The following SLC41A1 variants were observed in gnomAD, a reference collection of about 807,000 sequenced individuals.
SLC41A1 encodes solute carrier family 41 member 1.
In SLC41A1, 20 loss-of-function variants were observed where a neutral mutation model predicts 47.3. The ratio of observed to expected loss-of-function variants is 0.42; its 90% CI spans 0.30 to 0.61. SLC41A1 has a LOEUF of 0.61. SLC41A1 is among the 20% of genes least tolerant of loss of function. The probability of loss-of-function intolerance (pLI) is 0.17; values close to 1 mark genes in which losing one functional copy is unlikely to be tolerated. For missense variants in SLC41A1, 504 were observed against 674.1 expected, an observed-to-expected ratio of 0.75 and a Z score of 2.79; for synonymous variants, 282 against 272.7, an observed-to-expected ratio of 1.03 and a Z score of -0.34.
At chr1:205,811,856 A>G (rs1656163839) in intron 1 of SLC41A1, among the ~76,000 whole-genome samples, 1 of 152,206 alleles carries the variant, frequency 6.6e-6, no homozygotes, top group Admixed American at 6.5e-5. Flanking sequence ...AGGACAAGGG[A>G]GTTATCTCAG....
In SLC41A1 at chr1:205,791,465, A is replaced by G; in HGVS notation, c.*68T>C. 6.3e-7 allele frequency: 1 copy of G among 1,583,300 alleles called. No homozygotes were observed. Among genetic ancestry groups the G allele is most frequent in the Non-Finnish European group, 8.7e-7 (1 of 1,154,540 alleles). On this transcript the variant is annotated 3_prime_UTR_variant, in exon 11 of 11. Coordinates refer to ENST00000367137, the MANE Select transcript of SLC41A1 (RefSeq NM_173854.6). This position sits in a 1 kb window ranked among gnomAD's most constrained non-coding sequence, Gnocchi z 4.0. ...GGTGGGAGTGTGGGGTGGAGGAGGG[A>G]CAGGGGAACAAAAGAAAAATTTCAA... is the stretch of plus-strand genomic sequence containing the variant.
At chr1:205,794,184 CT>C (rs1277907343) in intron 10 of SLC41A1, among the ~76,000 whole-genome samples, 1 of 152,108 alleles carries the variant, frequency 6.6e-6, no homozygotes, top group Non-Finnish European at 1.5e-5. Flanking sequence ...CTGGTTCAAT[CT>C]GAATAAGCAC....
chr1:205,793,809 T>A (rs1160266289), intron 10 of SLC41A1, among the ~76,000 whole-genome samples: 2 of 152,094 alleles, frequency 1.3e-5, no homozygotes, highest in African/African-American at 4.8e-5. Context: ...AAATATATGT[T>A]TACTTTTATA....
At chr1:205,793,892 G>A (rs575586780) in intron 10 of SLC41A1, among the ~76,000 whole-genome samples, 11 of 152,322 alleles carry the variant, frequency 7.2e-5, no homozygotes, top group Non-Finnish European at 8.8e-5. Context: ...GAAACAGATG[G>A]CTGTGAAGAA....
chr1:205,796,590 T>C, intron 8 of SLC41A1: 1 of 350,720 alleles, frequency 2.9e-6, no homozygotes, highest in South Asian at 2.7e-5. Context: ...CTTCCAGAAC[T>C]GTGAGCTAAA....
At position 205,813,127 on chromosome 1, in the gene SLC41A1, C is replaced by A. The variant is rs1478258826; in HGVS notation, c.-966G>T. On this transcript the variant is annotated 5_prime_UTR_variant, in exon 1 of 11. Coordinates refer to ENST00000367137, the MANE Select transcript of SLC41A1 (RefSeq NM_173854.6). ...CCGGGGAGCCGAGCTCACGCGCCCC[C>A]AATCGCTTCTTGCCCGCGGACTCGG... 6 of 985,574 alleles carry A rather than the reference C, an allele frequency of 6.1e-6. No homozygotes were observed. Among genetic ancestry groups the A allele is most frequent in the Non-Finnish European group, 3.6e-6 (3 of 830,062 alleles). The allele number at this position is 985,574 out of a possible 1,614,324, so 61.1% of individuals were successfully genotyped here. A position where few individuals can be genotyped will look rare whatever the true frequency, so the allele number is the denominator to read the frequency against.
At chr1:205,801,239 A>C (rs759495073) in intron 2 of SLC41A1, 179 bp from the exon 3 acceptor site, 13 of 595,290 alleles carry the variant, frequency 2.2e-5, no homozygotes, top group Non-Finnish European at 4.0e-5. Flanking sequence ...TCTTCAAACA[A>C]CACAACCCCC....
chr1:205,807,190 G>C (rs1387914064), intron 2 of SLC41A1, among the ~76,000 whole-genome samples: 1 of 152,128 alleles, frequency 6.6e-6, no homozygotes, highest in Non-Finnish European at 1.5e-5. Flanking sequence ...CATGGATGTG[G>C]AATAACAATC....
In SLC41A1 at chr1:205,790,784, T is replaced by C. The variant is rs1003318240; in HGVS notation, c.*749A>G. ...GAGAATGTGGATTTTGGGGAACCAA[T>C]AGGTGGACATGGGTCAACAGGGAGA... On this transcript the variant is annotated 3_prime_UTR_variant, in exon 11 of 11. Transcript: ENST00000367137. 5.9e-5 allele frequency: 9 copies of C among 152,300 alleles called. No homozygotes were observed. The highest frequency in any genetic ancestry group is 1.4e-4 in the African/African-American group (6 of 41,450). The allele number at this position is 152,300 out of a possible 1,614,324, so 9.4% of individuals were successfully genotyped here.
At chr1:205,804,611 G>A (rs1476297986) in intron 2 of SLC41A1, among the ~76,000 whole-genome samples, 2 of 152,126 alleles carry the variant, frequency 1.3e-5, no homozygotes, top group African/African-American at 4.8e-5. Flanking sequence ...ACATACCACT[G>A]AGGCTCCAGC....
intron 10 of SLC41A1, among the ~76,000 whole-genome samples, chr1:205,793,091 C>A (rs1655661153): frequency 6.6e-6 from 1 of 152,210 alleles, no homozygotes; most frequent in Non-Finnish European, 1.5e-5. Flanking sequence ...TAACTTCACA[C>A]CCTTTCCAGC....
At chr1:205,808,477 A>T (rs1437269722) in intron 2 of SLC41A1, among the ~76,000 whole-genome samples, 1 of 152,200 alleles carries the variant, frequency 6.6e-6, no homozygotes, top group Non-Finnish European at 1.5e-5. Flanking sequence ...TTATCCAGAA[A>T]ATAAGACAAC....
Position 205,812,472 on chromosome 1 carries a change from C to A in SLC41A1, c.-647+336G>T, listed in dbSNP as rs199776223. Reference sequence around the variant, plus strand: ...TGAGTCCGCTAAAAGCTGACACCCCCGCCTCCCTCCTGTGTTCCTGGCAGG... The same window carrying A: ...TGAGTCCGCTAAAAGCTGACACCCCAGCCTCCCTCCTGTGTTCCTGGCAGG... On this transcript the variant is annotated intron_variant, in intron 1 of 10. Transcript: ENST00000367137. Among the ~76,000 whole-genome samples, 3 of 152,352 alleles carry A rather than the reference C, an allele frequency of 2.0e-5. No individual in the cohort carries two copies. The Middle Eastern group carries it at 0.01, about 518-fold the overall frequency.
In SLC41A1 at chr1:205,794,998, G is replaced by A. The variant is rs759319989; in HGVS notation, c.1228C>T (p.Arg410Trp). 1.3e-5 allele frequency: 21 copies of A among 1,613,866 alleles called. No homozygotes were observed. Among genetic ancestry groups the A allele is most frequent in the East Asian group, 2.2e-5 (1 of 44,892 alleles). ...GGGACCACGAGGAGGAAGAGGACCC[G>A]GGCTGAGCGAGAATTCACATCTGGA... ...FSPDVNSRSARVLFLLVVPGH... is the reference protein window; with the variant it reads ...FSPDVNSRSAWVLFLLVVPGH... Residue 410 changes from arginine (R) to tryptophan (W), a missense_variant, in exon 10 of 11, where the codon CGG becomes TGG. Physicochemically the swap from Arg to Trp is moderately radical, Grantham distance 101. This residue lies in a region of SLC41A1 where 421 missense variants were observed against 601.6 expected (regional missense o/e 0.70). Transcript: ENST00000367137.
chr1:205,810,400 G>A lies in SLC41A1; in HGVS notation c.42C>T (p.Asn14=), dbSNP rs774703458. The change falls in exon 2 of 11, where the codon AAC becomes AAT. Residue 14 remains asparagine (N), a synonymous_variant. Coordinates refer to ENST00000367137, the MANE Select transcript of SLC41A1 (RefSeq NM_173854.6). The surrounding 1 kb of genome is among the most constrained non-coding windows in gnomAD (Gnocchi z 5.5). ...AGGGAGAGGCAGAAGGGCCAGTCCCGTTCAGTTGGTGGACGTCCTTCGGCT... is the reference window on the plus strand; with the variant it reads ...AGGGAGAGGCAGAAGGGCCAGTCCCATTCAGTTGGTGGACGTCCTTCGGCT... ...KPEPKDVHQL[N]GTGPSASPCS... is the part of the protein sequence containing the mutation. The A allele has an allele frequency of 2.4e-5, 39 of 1,614,098 alleles. No individual in the cohort carries two copies. The highest frequency in any genetic ancestry group is 4.5e-5 in the East Asian group (2 of 44,896).
At chr1:205,809,604 T>A (rs1426693818) in intron 2 of SLC41A1, among the ~76,000 whole-genome samples, 4 of 152,196 alleles carry the variant, frequency 2.6e-5, no homozygotes, top group Non-Finnish European at 5.9e-5. Context: ...GAGACCCTCT[T>A]GGCAGCTGAA....
In SLC41A1 at chr1:205,789,922, A is replaced by G. The variant is rs1256083391; in HGVS notation, c.*1611T>C. On this transcript the variant is annotated 3_prime_UTR_variant, in exon 11 of 11. Coordinates refer to ENST00000367137, the MANE Select transcript of SLC41A1 (RefSeq NM_173854.6). ...CCTACATCCAAATCCCCAGATCTGT[A>G]CACGTGTGACTGCGGATGGAGGCTC... The G allele has an allele frequency of 6.6e-6, 1 of 152,248 alleles. No homozygotes were observed. The highest frequency in any genetic ancestry group is 6.5e-5 in the Admixed American group (1 of 15,288). 9.4% of individuals were successfully genotyped at this position (152,248 alleles called of 1,614,324 possible).
intron 10 of SLC41A1, among the ~76,000 whole-genome samples, 199 bp downstream of exon 10, chr1:205,794,671 A>T (rs1428554554): frequency 6.6e-6 from 1 of 152,124 alleles, no homozygotes; most frequent in East Asian, 1.9e-4. Context: ...GTAAAAGAAC[A>T]GGGTCAAAGT....
intron 2 of SLC41A1, among the ~76,000 whole-genome samples, chr1:205,806,153 G>C (rs1468404209): frequency 3.3e-5 from 5 of 152,184 alleles, no homozygotes; most frequent in African/African-American, 1.2e-4. Flanking sequence ...GCAACACCTG[G>C]ATATACGGTG....
Sources: gnomAD v4.1 joint callset for allele counts (sites outside exome capture counted in the v4.1 genomes callset) on GRCh38, gnomAD v4.1.1 for gene constraint, gnomAD v4.1.1 regional missense constraint, Gnocchi (gnomAD v3.1) non-coding constraint, MANE v1.5 for transcripts, NCBI Gene and HGNC (gene_info 2026-07-23, HGNC 2026-07-21) for gene names.